The following NRXN1 variants were observed in gnomAD, a reference collection of about 807,000 sequenced individuals.
The protein encoded by NRXN1 is neurexin 1, also known as neurexin-1.
NRXN1 carries 39 observed loss-of-function variants against 150.9 expected under a neutral mutation model. The observed-to-expected ratio is 0.26, with a 90% CI of 0.20 to 0.34. The LOEUF (loss-of-function observed/expected upper bound fraction) is 0.34. Among genes scored for constraint, NRXN1 ranks in the 10% least tolerant of loss-of-function variants. The pLI, the probability that NRXN1 is intolerant of heterozygous loss-of-function variation, is 1.00. For missense variants in NRXN1, 1,815 were observed against 1,949.9 expected (o/e 0.93, Z 1.30); for synonymous variants, 924 against 757.0 (o/e 1.22, Z -3.62).
intron 12 of NRXN1, among the ~76,000 whole-genome samples, chr2:50,514,506 C>A (rs184800200): frequency 6.6e-6 from 1 of 152,078 alleles, no homozygotes; most frequent in African/African-American, 2.4e-5. Context: ...TGGGAATATC[C>A]GAGTTACAGT....
chr2:50,494,059 TCTC>T (rs1283991551), intron 15 of NRXN1, among the ~76,000 whole-genome samples: 4 of 152,112 alleles, frequency 2.6e-5, no homozygotes. Flanking sequence ...TAGTCTACAA[TCTC>T]CTATTACCTT....
At chr2:50,356,806 G>A (rs1004943231) in intron 17 of NRXN1, among the ~76,000 whole-genome samples, 3 of 152,020 alleles carry the variant, frequency 2.0e-5, no homozygotes, top group African/African-American at 4.8e-5. Context: ...TTAAAACAAA[G>A]CATATCTGAT....
At chr2:50,676,613 C>T (rs1689581626) in intron 5 of NRXN1, among the ~76,000 whole-genome samples, 1 of 152,136 alleles carries the variant, frequency 6.6e-6, no homozygotes, top group African/African-American at 2.4e-5. Context: ...CTTCAGGCAG[C>T]ACCATGCATA....
At chr2:49,977,261 T>C (rs1164771848) in intron 21 of NRXN1, among the ~76,000 whole-genome samples, 5 of 152,042 alleles carry the variant, frequency 3.3e-5, no homozygotes. Context: ...TGGTTTCGGA[T>C]GGTGATTTTG....
At chr2:50,361,571 C>G (rs967471402) in intron 17 of NRXN1, among the ~76,000 whole-genome samples, 1 of 152,036 alleles carries the variant, frequency 6.6e-6, no homozygotes, top group Non-Finnish European at 1.5e-5. Flanking sequence ...AGGAAGAAGT[C>G]GAATCCTTGA....
chr2:50,440,923 T>A (rs1375812617), intron 17 of NRXN1, among the ~76,000 whole-genome samples: 1 of 152,176 alleles, frequency 6.6e-6, no homozygotes, highest in Non-Finnish European at 1.5e-5. Context: ...GAAATATGAA[T>A]CTTTAATAGA....
intron 17 of NRXN1, among the ~76,000 whole-genome samples, chr2:50,337,537 T>A (rs959924127): frequency 3.3e-5 from 5 of 152,198 alleles, no homozygotes; most frequent in Non-Finnish European, 5.9e-5. Context: ...AAAGTTGTTG[T>A]AAGGATTAAA....
chr2:51,015,496 C>G (rs1040977002), intron 2 of NRXN1, among the ~76,000 whole-genome samples: 2 of 151,888 alleles, frequency 1.3e-5, no homozygotes, highest in African/African-American at 2.4e-5. Context: ...TTCTTTATTG[C>G]CAAGAACCTC....
In NRXN1 at chr2:50,082,154, T is replaced by G. The variant is rs1366855346; in HGVS notation, c.3718+9169A>C. ...TTCTGCATTGTAGTGACAATTAATT[T>G]TTTATATCTGACATGATTAATTCAT... On this transcript the variant is annotated intron_variant, in intron 19 of 22. Transcript: ENST00000401669. 5.3e-5 allele frequency among the ~76,000 whole-genome samples: 8 copies of G among 152,348 alleles called. No homozygotes were observed. In the South Asian group the frequency reaches 8.3e-4, roughly 16 times the overall value.
intron 17 of NRXN1, among the ~76,000 whole-genome samples, chr2:50,313,906 G>T (rs765336225): frequency 5.9e-5 from 9 of 152,054 alleles, no homozygotes; most frequent in Non-Finnish European, 1.0e-4. Flanking sequence ...CTGTCATGGG[G>T]AGCTCTGCTG....
At chr2:50,067,701 G>C (rs1695572795) in intron 19 of NRXN1, among the ~76,000 whole-genome samples, 1 of 152,168 alleles carries the variant, frequency 6.6e-6, no homozygotes, top group South Asian at 2.1e-4. Flanking sequence ...GCCATTGATA[G>C]ACATCACTAA....
intron 11 of NRXN1, among the ~76,000 whole-genome samples, chr2:50,529,362 A>G (rs1249710758): frequency 2.6e-5 from 4 of 152,120 alleles, no homozygotes; most frequent in African/African-American, 7.2e-5. Flanking sequence ...TCTCTGTGTA[A>G]TAAGTGTCGT....
chr2:50,887,891 T>G (rs952852611), intron 5 of NRXN1, among the ~76,000 whole-genome samples: 1 of 150,502 alleles, frequency 6.6e-6, no homozygotes, highest in African/African-American at 2.4e-5. Flanking sequence ...CCAAGACTCA[T>G]ACCAAATTGT....
intron 21 of NRXN1, among the ~76,000 whole-genome samples, chr2:49,956,336 T>C (rs969924440): frequency 6.6e-6 from 1 of 152,176 alleles, no homozygotes; most frequent in Non-Finnish European, 1.5e-5. Flanking sequence ...AGCTATCAGC[T>C]GATTAGAAAA....
At chr2:50,630,443 A>G (rs1014832003) in intron 5 of NRXN1, among the ~76,000 whole-genome samples, 5 of 151,748 alleles carry the variant, frequency 3.3e-5, no homozygotes, top group Non-Finnish European at 7.4e-5. Context: ...TGCATAGAAT[A>G]TAATCTCATT....
intron 5 of NRXN1, among the ~76,000 whole-genome samples, chr2:50,895,379 A>C (rs548534135): frequency 3.5e-4 from 53 of 152,216 alleles, no homozygotes; most frequent in African/African-American, 1.2e-3. Flanking sequence ...ACAGCAAAAA[A>C]GGCAGTAACT....
At chr2:50,322,265 AAAC>A (rs994235264) in intron 17 of NRXN1, among the ~76,000 whole-genome samples, 2 of 152,154 alleles carry the variant, frequency 1.3e-5, no homozygotes, top group African/African-American at 4.8e-5. Context: ...AGGTGAGAAC[AAAC>A]AACAACAACA....
chr2:50,396,771 T>C (rs1247349661), intron 17 of NRXN1, among the ~76,000 whole-genome samples: 2 of 152,086 alleles, frequency 1.3e-5, no homozygotes, highest in Non-Finnish European at 2.9e-5. Flanking sequence ...AGCATTCAAA[T>C]TCAGAAATGT....
At chr2:50,695,902 G>A (rs1249529445) in intron 5 of NRXN1, among the ~76,000 whole-genome samples, 1 of 148,748 alleles carries the variant, frequency 6.7e-6, no homozygotes, top group East Asian at 2.0e-4. Context: ...GAGTGCAGTG[G>A]CACAATCTTG....
Sources: allele counts gnomAD v4.1 joint callset (sites outside exome capture counted in the v4.1 genomes callset), GRCh38; gene constraint gnomAD v4.1.1; transcripts MANE v1.5; gene names NCBI Gene and HGNC (gene_info 2026-07-23, HGNC 2026-07-21).